Variants in PKHD1L1 observed in about 807,000 individuals in gnomAD.
PKHD1L1 encodes PKHD1 like 1.
A neutral mutation model predicts 462.9 loss-of-function variants in PKHD1L1; 434 were observed. That is an observed-to-expected ratio of 0.94 (90% CI 0.87 to 1.02). PKHD1L1 has a LOEUF of 1.02. Ranked by LOEUF, PKHD1L1 falls within the 50% of genes least tolerant of loss-of-function variation. PKHD1L1 has a pLI of 0.00. For missense variants in PKHD1L1, 5,202 were observed against 5,096.1 expected, an observed-to-expected ratio of 1.02 and a Z score of -0.63; for synonymous variants, 1,781 against 1,750.0, an observed-to-expected ratio of 1.02 and a Z score of -0.44.
In PKHD1L1 at chr8:109,419,059, C is replaced by T. The variant is rs1275874831; in HGVS notation, c.2361-38C>T. The T allele has an allele frequency of 2.6e-6, 4 of 1,539,018 alleles. No homozygotes were observed. In the Admixed American group the frequency reaches 7.0e-5, roughly 27 times the overall value. ...TAAAGTGTATTTGCTTAAACATTAC[C>T]ACTGATCTATACAACAAATTAATCA... On this transcript the variant is annotated intron_variant, in intron 21 of 77. Transcript: ENST00000378402.
At chr8:109,381,753 C>T (rs4735131) in intron 3 of PKHD1L1, among the ~76,000 whole-genome samples, 6,819 of 152,020 alleles carry the variant, frequency 0.045, 352 homozygotes, top group Admixed American at 0.16. Flanking sequence ...GAGCTATTAC[C>T]TTATTGTTGA....
At chr8:109,377,388 T>C (rs1212408384) in intron 2 of PKHD1L1, among the ~76,000 whole-genome samples, 1 of 152,194 alleles carries the variant, frequency 6.6e-6, no homozygotes, top group Non-Finnish European at 1.5e-5. Flanking sequence ...ATTATTGTAT[T>C]ATGGGATAAT....
chr8:109,459,973 T>A (rs1314452043), intron 47 of PKHD1L1, 137 bp downstream of exon 47: 1 of 692,314 alleles, frequency 1.4e-6, no homozygotes, highest in African/African-American at 1.9e-5. Context: ...ATTAATCTTA[T>A]AAGATACCAT....
intron 4 of PKHD1L1, 51 bp downstream of exon 4, chr8:109,382,622 T>C: frequency 6.8e-7 from 1 of 1,469,424 alleles, no homozygotes; most frequent in East Asian, 2.4e-5. Context: ...TTGCTTTCTT[T>C]CCTGCAGAAC....
In PKHD1L1 at chr8:109,536,557, G is replaced by A. The variant is rs957146628; in HGVS notation, c.*6467G>A. Among the ~76,000 whole-genome samples the A allele has an allele frequency of 4.6e-5, 7 of 152,216 alleles. No homozygotes were observed. The highest frequency in any genetic ancestry group is 1.0e-4 in the Non-Finnish European group (7 of 68,036). On this transcript the variant is annotated 3_prime_UTR_variant, in exon 78 of 78. Coordinates refer to ENST00000378402, the MANE Select transcript of PKHD1L1 (RefSeq NM_177531.6). ...ACTCTACTTAATTCATAATATAGCTGAACTCTGTCATAAATCTAATAACGA... is the reference window on the plus strand; with the variant it reads ...ACTCTACTTAATTCATAATATAGCTAAACTCTGTCATAAATCTAATAACGA...
intron 56 of PKHD1L1, among the ~76,000 whole-genome samples, chr8:109,482,001 G>C (rs1056572840): frequency 1.3e-5 from 2 of 151,636 alleles, no homozygotes; most frequent in Non-Finnish European, 3.0e-5. Flanking sequence ...ATAATCTGTG[G>C]ATCAGTTGAC....
At chr8:109,451,284 G>A in intron 41 of PKHD1L1, 135 bp downstream of exon 41, 1 of 925,028 alleles carries the variant, frequency 1.1e-6, no homozygotes, top group Non-Finnish European at 1.5e-6. Context: ...TTAAGCTTAA[G>A]GCAAAAATAG....
intron 38 of PKHD1L1, among the ~76,000 whole-genome samples, chr8:109,446,743 A>AT (rs921958560): frequency 4.0e-5 from 6 of 150,192 alleles, no homozygotes; most frequent in South Asian, 2.1e-4. Context: ...CTGCCTTTGA[A>AT]TTTTTTTTTT....
chr8:109,461,733 G>A (rs191708943), intron 47 of PKHD1L1, 39 bp from the exon 48 acceptor site: 42 of 1,556,376 alleles, frequency 2.7e-5, no homozygotes, highest in South Asian at 2.4e-4. Context: ...AGAGGATTCC[G>A]ACAATTTTTT....
intron 70 of PKHD1L1, 47 bp from the exon 71 acceptor site, chr8:109,510,730 A>G (rs771201504): frequency 7.8e-6 from 12 of 1,540,758 alleles, no homozygotes; most frequent in South Asian, 1.3e-5. Context: ...TTATACTAAT[A>G]AAATGTATGA....
chr8:109,515,325 A>G lies in PKHD1L1; in HGVS notation c.11689+20A>G, dbSNP rs1031671948. On this transcript the variant is annotated intron_variant, in intron 72 of 77. Transcript: ENST00000378402. ...ACAAAGGTATTGTCTCAGAAAAAAT[A>G]CAGTACACATGGAAAATGTACTTAT... 2 of 1,498,432 alleles carry G rather than the reference A, an allele frequency of 1.3e-6. No homozygotes were observed. The highest frequency in any genetic ancestry group is 1.8e-6 in the Non-Finnish European group (2 of 1,112,856). 92.8% of individuals were successfully genotyped at this position (1,498,432 alleles called of 1,614,324 possible).
intron 46 of PKHD1L1, among the ~76,000 whole-genome samples, chr8:109,456,845 C>T (rs1816853336): frequency 6.6e-6 from 1 of 151,984 alleles, no homozygotes; most frequent in Non-Finnish European, 1.5e-5. Context: ...TATCTTACAG[C>T]CTTAGCAAAT....
chr8:109,400,030 G>A, intron 12 of PKHD1L1, 46 bp from the exon 13 acceptor site: 1 of 1,544,104 alleles, frequency 6.5e-7, no homozygotes, highest in Non-Finnish European at 8.8e-7. Flanking sequence ...TTGAGGCATT[G>A]CATTATGATC....
chr8:109,377,779 A>G (rs1199111352), intron 2 of PKHD1L1, among the ~76,000 whole-genome samples: 2 of 152,192 alleles, frequency 1.3e-5, no homozygotes, highest in Admixed American at 1.3e-4. Flanking sequence ...ATTTAATTAT[A>G]GGATTTAATT....
chr8:109,383,157 T>TTA (rs71305942), intron 4 of PKHD1L1, among the ~76,000 whole-genome samples: 54,366 of 100,640 alleles, frequency 0.54, 15,089 homozygotes, highest in South Asian at 0.66. Context: ...TTATATATAT[T>TTA]TATATATAAT....
At chr8:109,444,555 T>A (rs1398100149) in intron 37 of PKHD1L1, 106 bp from the exon 38 acceptor site, 12 of 1,030,436 alleles carry the variant, frequency 1.2e-5, no homozygotes, top group Non-Finnish European at 1.6e-5. Context: ...AGATATTTAT[T>A]TGCACATGAT....
intron 40 of PKHD1L1, among the ~76,000 whole-genome samples, chr8:109,450,757 G>T (rs1304514830): frequency 6.6e-6 from 1 of 152,186 alleles, no homozygotes; most frequent in Non-Finnish European, 1.5e-5. Context: ...TCCCCAGGAG[G>T]GTCGAAGGGC....
chr8:109,452,299 A>T lies in PKHD1L1; in HGVS notation c.6507+19A>T. The T allele has an allele frequency of 6.5e-7, 1 of 1,545,292 alleles. No homozygotes were observed. The highest frequency in any genetic ancestry group is 8.8e-7 in the Non-Finnish European group (1 of 1,142,140). ...CAAACTGGTAATAGTGCTGTTGGGT[A>T]TAGTAATCACAGCAATAGAAAACCA... On this transcript the variant is annotated intron_variant, in intron 42 of 77. Transcript: ENST00000378402.
rs573135851 is a variant in PKHD1L1 at position 109,384,186 on chromosome 8, T to C, written c.475+59T>C. The C allele has an allele frequency of 2.6e-4, 314 of 1,225,098 alleles. No individual in the cohort carries two copies. In the East Asian group the frequency reaches 7.1e-3, roughly 28 times the overall value. 75.9% of individuals were successfully genotyped at this position (1,225,098 alleles called of 1,614,324 possible). On this transcript the variant is annotated intron_variant, in intron 5 of 77. Coordinates refer to ENST00000378402, the MANE Select transcript of PKHD1L1 (RefSeq NM_177531.6). ...TTCATGGTAAATAATGTGTTTATTTTTTAGTATATGAAATTAGTATAATTC... is the reference window on the plus strand; with the variant it reads ...TTCATGGTAAATAATGTGTTTATTTCTTAGTATATGAAATTAGTATAATTC...
Sources: gnomAD v4.1 joint callset for allele counts (sites outside exome capture counted in the v4.1 genomes callset) on GRCh38, gnomAD v4.1.1 for gene constraint, MANE v1.5 for transcripts, NCBI Gene and HGNC (gene_info 2026-07-23, HGNC 2026-07-21) for gene names.